NFIA: variants seen among roughly 807,000 people sequenced by gnomAD.
NFIA encodes the protein nuclear factor I A.
In NFIA, 8 loss-of-function variants were observed where a neutral mutation model predicts 62.8. The ratio of observed to expected loss-of-function variants is 0.13; its 90% CI spans 0.07 to 0.23. The LOEUF (loss-of-function observed/expected upper bound fraction) is 0.23, where lower values mean the gene tolerates loss of function less well. NFIA is among the 10% of genes least tolerant of loss of function. The pLI is 1.00. For missense variants in NFIA, 410 were observed against 642.1 expected (o/e 0.64, Z 3.91); for synonymous variants, 235 against 238.1 (o/e 0.99, Z 0.12).
chr1:61,307,355 A>G (rs1353192305), intron 3 of NFIA, among the ~76,000 whole-genome samples: 1 of 152,156 alleles, frequency 6.6e-6, no homozygotes, highest in East Asian at 1.9e-4. Flanking sequence ...TCTATGAGGA[A>G]GAGTGCTCCC....
chr1:61,219,845 C>G (rs1034292264), intron 2 of NFIA, among the ~76,000 whole-genome samples: 1 of 152,126 alleles, frequency 6.6e-6, no homozygotes, highest in Non-Finnish European at 1.5e-5. Flanking sequence ...ACGCCTTAGT[C>G]CCAGCTACTC....
intron 7 of NFIA, among the ~76,000 whole-genome samples, chr1:61,401,488 T>C (rs1285799489): frequency 6.6e-6 from 1 of 152,088 alleles, no homozygotes; most frequent in Admixed American, 6.5e-5. Flanking sequence ...GACAGGGTGC[T>C]TTTGAGTTAT....
chr1:61,257,861 G>GTTTTT (rs58077067), intron 2 of NFIA, among the ~76,000 whole-genome samples: 1 of 126,466 alleles, frequency 7.9e-6, no homozygotes, highest in African/African-American at 3.0e-5. Context: ...ATGCTTAGCT[G>GTTTTT]TTTTTTTTTT....
chr1:61,360,648 C>T (rs1663237616), intron 6 of NFIA, among the ~76,000 whole-genome samples: 1 of 151,892 alleles, frequency 6.6e-6, no homozygotes, highest in African/African-American at 2.4e-5. Flanking sequence ...AATTTTTTTT[C>T]AAAAGACAAT....
At chr1:61,238,442 A>G (rs565416379) in intron 2 of NFIA, among the ~76,000 whole-genome samples, 1 of 152,164 alleles carries the variant, frequency 6.6e-6, no homozygotes, top group Non-Finnish European at 1.5e-5. Flanking sequence ...AAAGAAAATT[A>G]TATGTTTTAG....
chr1:61,256,545 G>T (rs968520994), intron 2 of NFIA, among the ~76,000 whole-genome samples: 1 of 152,048 alleles, frequency 6.6e-6, no homozygotes, highest in South Asian at 2.1e-4. Context: ...TGGGCCGTGG[G>T]TTGGACGAGC....
chr1:61,235,503 T>TAAAAAAAA (rs770594849), intron 2 of NFIA, among the ~76,000 whole-genome samples: 1 of 136,688 alleles, frequency 7.3e-6, no homozygotes, highest in African/African-American at 2.7e-5. Flanking sequence ...AATAAATAAA[T>TAAAAAAAA]AAAAATAAAA....
intron 3 of NFIA, among the ~76,000 whole-genome samples, chr1:61,331,866 C>T (rs1661319174): frequency 2.0e-5 from 3 of 152,158 alleles, no homozygotes. Flanking sequence ...GAAGATTAAT[C>T]ACTTTTTGAA....
chr1:61,320,373 G>A (rs1660618134), intron 3 of NFIA, among the ~76,000 whole-genome samples: 1 of 152,014 alleles, frequency 6.6e-6, no homozygotes, highest in Admixed American at 6.6e-5. Flanking sequence ...TAATAAACAT[G>A]GTGAATTTTG....
intron 3 of NFIA, among the ~76,000 whole-genome samples, chr1:61,302,020 A>G (rs550882717): frequency 6.6e-6 from 1 of 152,326 alleles, no homozygotes; most frequent in East Asian, 1.9e-4. Flanking sequence ...ACTTGGACAC[A>G]CTACTGTTGC....
chr1:61,243,592 GACTA>G (rs1415275666), intron 2 of NFIA, among the ~76,000 whole-genome samples: 2 of 152,036 alleles, frequency 1.3e-5, no homozygotes, highest in African/African-American at 4.8e-5. Context: ...TTATTCAGAT[GACTA>G]ACGTTGTTGT....
chr1:61,081,837 C>T (rs2100400172), upstream of NFIA: 1 of 1,502,800 alleles, frequency 6.7e-7, no homozygotes, highest in Non-Finnish European at 8.9e-7. Flanking sequence ...AATCTATTCC[C>T]ACAGAAAGCT....
At chr1:61,389,722 A>G (rs1420912460) in intron 7 of NFIA, among the ~76,000 whole-genome samples, 2 of 149,246 alleles carry the variant, frequency 1.3e-5, no homozygotes, top group Non-Finnish European at 2.9e-5. Flanking sequence ...TAATCATAAT[A>G]TAACCTGTGC....
intron 2 of NFIA, among the ~76,000 whole-genome samples, chr1:61,197,448 A>G (rs1013425078): frequency 2.0e-5 from 3 of 151,384 alleles, no homozygotes; most frequent in African/African-American, 7.3e-5. Flanking sequence ...TGAGTTGGCC[A>G]GGCTGGTTTC....
intron 2 of NFIA, among the ~76,000 whole-genome samples, chr1:61,222,443 G>A (rs1654076426): frequency 6.6e-6 from 1 of 152,022 alleles, no homozygotes; most frequent in African/African-American, 2.4e-5. Context: ...TCTGTTACAT[G>A]CAGATGTATT....
rs115202336 is a variant in NFIA at position 61,347,836 on chromosome 1, C to T, written c.701-4614C>T. Among the ~76,000 whole-genome samples the T allele has an allele frequency of 3.6e-3, 553 of 152,234 alleles. 3 individuals carry two copies. The highest frequency in any genetic ancestry group is 0.012 in the African/African-American group (515 of 41,554). ...ATACTATATGTGGGAGTCAGTGTGG[C>T]GCAGTAAGAAAAGCCCAGGTTTTGA... is the stretch of plus-strand genomic sequence containing the variant. On this transcript the variant is annotated intron_variant, in intron 4 of 10. Coordinates refer to ENST00000403491, the MANE Select transcript of NFIA (RefSeq NM_001134673.4).
At chr1:61,246,251 C>T (rs1290089147) in intron 2 of NFIA, among the ~76,000 whole-genome samples, 1 of 152,084 alleles carries the variant, frequency 6.6e-6, no homozygotes, top group Non-Finnish European at 1.5e-5. Flanking sequence ...TTACCATTTC[C>T]AGGATCTCTC....
chr1:61,189,614 GAGA>G (rs1557624846), intron 2 of NFIA, among the ~76,000 whole-genome samples: 7 of 152,042 alleles, frequency 4.6e-5, no homozygotes, highest in Non-Finnish European at 2.9e-5. Flanking sequence ...GCAGTGAGCC[GAGA>G]TCGGGCCACT....
chr1:61,386,938 A>G (rs1265091063), intron 7 of NFIA, among the ~76,000 whole-genome samples: 1 of 152,170 alleles, frequency 6.6e-6, no homozygotes, highest in African/African-American at 2.4e-5. Context: ...CATAGATGGC[A>G]TCTTCTTGCT....
Sources: allele counts gnomAD v4.1 joint callset (sites outside exome capture counted in the v4.1 genomes callset), GRCh38; gene constraint gnomAD v4.1.1; transcripts MANE v1.5; gene names NCBI Gene and HGNC (gene_info 2026-07-23, HGNC 2026-07-21).